SYN2: variants seen among roughly 807,000 people sequenced by gnomAD.
The protein encoded by SYN2 is synapsin II.
Under a neutral mutation model 50.9 loss-of-function variants are expected in SYN2, and 19 were observed. The observed-to-expected ratio is 0.37, with a 90% CI of 0.26 to 0.55. The LOEUF (loss-of-function observed/expected upper bound fraction) is 0.55. SYN2 is among the 20% of genes least tolerant of loss of function. The pLI is 0.81. For missense variants in SYN2, 587 were observed against 576.4 expected, an observed-to-expected ratio of 1.02 and a Z score of -0.19; for synonymous variants, 255 against 224.9, an observed-to-expected ratio of 1.13 and a Z score of -1.20.
chr3:12,081,283 T>C (rs1274592214), intron 1 of SYN2, among the ~76,000 whole-genome samples: 2 of 152,214 alleles, frequency 1.3e-5, no homozygotes. Context: ...AAGAGCAACT[T>C]AAAAGGAAAA....
At chr3:12,046,697 C>T (rs2125152341) in intron 1 of SYN2, among the ~76,000 whole-genome samples, 1 of 151,742 alleles carries the variant, frequency 6.6e-6, no homozygotes. Context: ...GTGGCCTGGA[C>T]AAAAGTAGCA....
chr3:12,171,817 T>C (rs1331261666), intron 10 of SYN2, among the ~76,000 whole-genome samples: 2 of 152,226 alleles, frequency 1.3e-5, no homozygotes, highest in Non-Finnish European at 2.9e-5. Context: ...GTATCTAAAG[T>C]ATAAAAGTTA....
intron 1 of SYN2, among the ~76,000 whole-genome samples, chr3:12,124,353 G>A (rs1696620480): frequency 6.6e-6 from 1 of 152,180 alleles, no homozygotes; most frequent in Non-Finnish European, 1.5e-5. Context: ...AACTAGGGAG[G>A]AGAGTAGAGC....
intron 1 of SYN2, among the ~76,000 whole-genome samples, chr3:12,018,735 G>A (rs1694071376): frequency 6.6e-6 from 1 of 152,108 alleles, no homozygotes; most frequent in South Asian, 2.1e-4. Flanking sequence ...AATTTTACTT[G>A]TCCTAATTTC....
At chr3:12,053,038 A>C (rs1225345564) in intron 1 of SYN2, among the ~76,000 whole-genome samples, 1 of 152,186 alleles carries the variant, frequency 6.6e-6, no homozygotes, top group African/African-American at 2.4e-5. Context: ...GGTAGATATT[A>C]TTCCCATTTG....
At chr3:12,151,073 T>A (rs1330939498) in intron 4 of SYN2, among the ~76,000 whole-genome samples, 164 bp from the exon 5 acceptor site, 4 of 152,382 alleles carry the variant, frequency 2.6e-5, no homozygotes, top group East Asian at 1.9e-4. Flanking sequence ...CTAATGCGTA[T>A]CATATCCTTG....
chr3:12,119,558 T>G (rs1407354487), intron 1 of SYN2, among the ~76,000 whole-genome samples: 1 of 152,228 alleles, frequency 6.6e-6, no homozygotes, highest in Non-Finnish European at 1.5e-5. Context: ...TTCTCTCTAA[T>G]AACAGTTTTT....
intron 3 of SYN2, among the ~76,000 whole-genome samples, chr3:12,145,300 G>A (rs946407795): frequency 2.0e-5 from 3 of 152,142 alleles, no homozygotes; most frequent in South Asian, 2.1e-4. Flanking sequence ...TACTTGAGAC[G>A]CTGAGGCGAG....
intron 7 of SYN2, among the ~76,000 whole-genome samples, chr3:12,166,923 T>C (rs892468687): frequency 5.9e-5 from 9 of 152,166 alleles, no homozygotes; most frequent in Non-Finnish European, 1.0e-4. Flanking sequence ...GATTTAAGAT[T>C]GAAAATCAGG....
intron 1 of SYN2, among the ~76,000 whole-genome samples, chr3:12,118,818 G>A (rs1198665839): frequency 1.3e-5 from 2 of 152,024 alleles, no homozygotes; most frequent in Non-Finnish European, 2.9e-5. Flanking sequence ...TTTTGTAGTA[G>A]CCAAAGCAAA....
At chr3:12,176,654 T>G (rs911880661) in intron 10 of SYN2, among the ~76,000 whole-genome samples, 1 of 152,230 alleles carries the variant, frequency 6.6e-6, no homozygotes, top group African/African-American at 2.4e-5. Context: ...GGACAAACTC[T>G]AACTCCGATC....
chr3:12,036,119 G>A (rs1694493211), intron 1 of SYN2, among the ~76,000 whole-genome samples: 1 of 152,054 alleles, frequency 6.6e-6, no homozygotes, highest in Admixed American at 6.6e-5. Flanking sequence ...CTTGGAGTGG[G>A]GCCCAGCAGA....
At chr3:12,129,884 T>G (rs573218132) in intron 1 of SYN2, among the ~76,000 whole-genome samples, 6 of 151,908 alleles carry the variant, frequency 3.9e-5, no homozygotes, top group African/African-American at 1.5e-4. Flanking sequence ...GGTGATTAGG[T>G]TGAGATGAGG....
At chr3:12,081,001 CTT>C (rs1226367612) in intron 1 of SYN2, among the ~76,000 whole-genome samples, 6 of 152,056 alleles carry the variant, frequency 3.9e-5, no homozygotes, top group African/African-American at 1.4e-4. Flanking sequence ...AATTAGTTAT[CTT>C]TTTTAACAGC....
intron 1 of SYN2, among the ~76,000 whole-genome samples, chr3:12,133,171 A>C (rs1204798824): frequency 6.6e-6 from 1 of 152,222 alleles, no homozygotes; most frequent in Admixed American, 6.5e-5. Context: ...CTATCTAAGA[A>C]GTGCCTTACT....
intron 10 of SYN2, among the ~76,000 whole-genome samples, chr3:12,174,067 T>C (rs1360150251): frequency 1.3e-5 from 2 of 152,120 alleles, no homozygotes; most frequent in African/African-American, 4.8e-5. Context: ...GTTTTCATTC[T>C]ACATCATTGG....
intron 10 of SYN2, among the ~76,000 whole-genome samples, chr3:12,174,037 G>T (rs1038798237): frequency 6.6e-6 from 1 of 151,882 alleles, no homozygotes; most frequent in African/African-American, 2.4e-5. Flanking sequence ...GGCCCCTGAG[G>T]CCCCCCCGCC....
chr3:12,139,015 G>A (rs1239924563), intron 1 of SYN2, among the ~76,000 whole-genome samples: 1 of 152,206 alleles, frequency 6.6e-6, no homozygotes, highest in East Asian at 1.9e-4. Flanking sequence ...CCCTGCCTGA[G>A]GGGCTCGCTG....
chr3:12,075,524 G>T (rs1288705509), intron 1 of SYN2, among the ~76,000 whole-genome samples: 1 of 152,058 alleles, frequency 6.6e-6, no homozygotes, highest in Non-Finnish European at 1.5e-5. Context: ...TATAGTAGAA[G>T]AATGAAATAA....
Sources: gnomAD v4.1 joint callset for allele counts (sites outside exome capture counted in the v4.1 genomes callset) on GRCh38, gnomAD v4.1.1 for gene constraint, MANE v1.5 for transcripts, NCBI Gene and HGNC (gene_info 2026-07-23, HGNC 2026-07-21) for gene names.